Variants in C8orf34 observed in about 807,000 individuals in gnomAD.
C8orf34 encodes uncharacterized protein C8orf34.
Under a neutral mutation model 68.3 loss-of-function variants are expected in C8orf34, and 65 were observed. The observed-to-expected ratio is 0.95, with a 90% CI of 0.78 to 1.17. The LOEUF (loss-of-function observed/expected upper bound fraction) is 1.17, where lower values mean the gene tolerates loss of function less well. Ranked by LOEUF, C8orf34 falls within the 50% of genes most tolerant of loss-of-function variation. The probability of loss-of-function intolerance (pLI) is 0.00; values close to 1 mark genes in which losing one functional copy is unlikely to be tolerated. For missense variants in C8orf34, 664 were observed against 655.4 expected, an observed-to-expected ratio of 1.01 and a Z score of -0.14; for synonymous variants, 244 against 241.2, an observed-to-expected ratio of 1.01 and a Z score of -0.11.
chr8:68,477,947 C>A (rs972775198), intron 4 of C8orf34, among the ~76,000 whole-genome samples: 2 of 152,148 alleles, frequency 1.3e-5, no homozygotes, highest in Admixed American at 6.6e-5. Flanking sequence ...GGACCATGAG[C>A]CTGGCCCAGG....
At chr8:68,416,896 C>T (rs1809694471) in intron 1 of C8orf34, among the ~76,000 whole-genome samples, 1 of 152,032 alleles carries the variant, frequency 6.6e-6, no homozygotes, top group Admixed American at 6.6e-5. Context: ...ACTTCTAAAA[C>T]AATTATTTAT....
In C8orf34 at chr8:68,464,158, C is replaced by A. The variant is rs564840198; in HGVS notation, c.608-4534C>A. Among the ~76,000 whole-genome samples, 349 of 151,976 alleles carry A rather than the reference C, an allele frequency of 2.3e-3. 1 individual carries two copies. The highest frequency in any genetic ancestry group is 7.1e-3 in the African/African-American group (294 of 41,448). The stretch of plus-strand genomic sequence containing the variant: ...TCTTATACACCAATAACAGACAAAC[C>A]GAGAGCCAAATCATGAGTGAACTCC... On this transcript the variant is annotated intron_variant, in intron 3 of 13. Transcript: ENST00000518698.
chr8:68,465,593 C>T (rs1462681367), intron 3 of C8orf34, among the ~76,000 whole-genome samples: 2 of 152,088 alleles, frequency 1.3e-5, no homozygotes, highest in Non-Finnish European at 2.9e-5. Context: ...AAATGTGGCA[C>T]ATACACACCA....
rs1805577765 is a variant in C8orf34 at position 68,331,318 on chromosome 8, C to T, written c.306C>T (p.Asn102=). ...QTRIQAYLEK[N]KIGPLFEELM... is the part of the protein sequence containing the mutation. ...GGATCCAGGCTTACCTGGAGAAGAA[C>T]AAGATCGGTCCCCTGTTTGAGGTAA... The change falls in exon 1 of 14, where the codon AAC becomes AAT. Residue 102 remains asparagine (N), a synonymous_variant. Transcript: ENST00000518698. 7.2e-6 allele frequency: 11 copies of T among 1,536,488 alleles called. No individual in the cohort carries two copies. Among genetic ancestry groups the T allele is most frequent in the Non-Finnish European group, 9.6e-6 (11 of 1,146,994 alleles).
chr8:68,774,349 A>ATATATATAT (rs562858909), intron 10 of C8orf34, among the ~76,000 whole-genome samples: 8 of 147,780 alleles, frequency 5.4e-5, no homozygotes, highest in East Asian at 2.0e-4. Context: ...ATATATATAT[A>ATATATATAT]AAATAAACAA....
intron 1 of C8orf34, among the ~76,000 whole-genome samples, chr8:68,376,562 T>C (rs1403428805): frequency 6.6e-6 from 1 of 151,944 alleles, no homozygotes; most frequent in Non-Finnish European, 1.5e-5. Context: ...CTCCTTCCTC[T>C]TGGGCCTGCC....
chr8:68,806,227 C>A (rs1824478758), intron 12 of C8orf34, among the ~76,000 whole-genome samples: 1 of 151,756 alleles, frequency 6.6e-6, no homozygotes, highest in Non-Finnish European at 1.5e-5. Flanking sequence ...TGCCAATATC[C>A]ATTTATATTT....
rs138824269 is a variant in C8orf34, at chr8:68,479,683, A to T, written c.737-8340A>T. On this transcript the variant is annotated intron_variant, in intron 4 of 13. Coordinates refer to ENST00000518698, the MANE Select transcript of C8orf34 (RefSeq NM_052958.4). ...AGGGGGATGAAGGGTCAGGAAGTCC[A>T]GGAAGTTCAAATCTTATAGTTTTCA... is the stretch of plus-strand genomic sequence containing the variant. Among the ~76,000 whole-genome samples the T allele has an allele frequency of 3.8e-3, 573 of 152,306 alleles. 4 individuals are homozygous for T. Among genetic ancestry groups the T allele is most frequent in the African/African-American group, 0.013 (552 of 41,564 alleles).
intron 1 of C8orf34, among the ~76,000 whole-genome samples, chr8:68,378,963 G>A (rs1225176528): frequency 6.6e-6 from 1 of 151,434 alleles, no homozygotes; most frequent in Non-Finnish European, 1.5e-5. Context: ...AAAAGTGAAG[G>A]AATATCTTTG....
At chr8:68,400,770 T>C (rs1048350133) in intron 1 of C8orf34, among the ~76,000 whole-genome samples, 1 of 152,170 alleles carries the variant, frequency 6.6e-6, no homozygotes, top group Non-Finnish European at 1.5e-5. Flanking sequence ...TTGGTTACTA[T>C]ACCCTTGCAA....
At chr8:68,555,108 C>G (rs758319066) in intron 7 of C8orf34, among the ~76,000 whole-genome samples, 1 of 151,794 alleles carries the variant, frequency 6.6e-6, no homozygotes, top group Non-Finnish European at 1.5e-5. Context: ...TTACTGATTT[C>G]TATTGTTTTG....
intron 4 of C8orf34, among the ~76,000 whole-genome samples, chr8:68,476,737 A>G (rs964372932): frequency 6.6e-6 from 1 of 152,204 alleles, no homozygotes; most frequent in Non-Finnish European, 1.5e-5. Flanking sequence ...TATATGTAAC[A>G]TATATCCTAT....
chr8:68,774,329 G>GTA (rs1237765866), intron 10 of C8orf34, among the ~76,000 whole-genome samples: 1 of 126,886 alleles, frequency 7.9e-6, no homozygotes, highest in African/African-American at 3.4e-5. Context: ...ATGGGTGTGT[G>GTA]TGTATATATA....
Position 68,564,820 on chromosome 8 carries a change from G to T in C8orf34, c.1105+31671G>T, listed in dbSNP as rs573906906. On this transcript the variant is annotated intron_variant, in intron 7 of 13. Transcript: ENST00000518698. ...TTAATGGAATCTATAGGGTTGGATTGTTCTTCTGAAGTGAGAGAGAGAGTT... is the reference window on the plus strand; with the variant it reads ...TTAATGGAATCTATAGGGTTGGATTTTTCTTCTGAAGTGAGAGAGAGAGTT... Among the ~76,000 whole-genome samples the T allele has an allele frequency of 1.1e-4, 16 of 152,270 alleles. No individual in the cohort carries two copies. The East Asian group carries it at 2.9e-3, about 28-fold the overall frequency.
intron 11 of C8orf34, among the ~76,000 whole-genome samples, chr8:68,785,400 TC>T (rs1823816613): frequency 8.1e-6 from 1 of 122,734 alleles, no homozygotes; most frequent in Non-Finnish European, 1.6e-5. Flanking sequence ...CTGGCTCCCC[TC>T]ATCCATTTAC....
chr8:68,654,969 G>C (rs1819471303), intron 8 of C8orf34, among the ~76,000 whole-genome samples: 1 of 152,072 alleles, frequency 6.6e-6, no homozygotes, highest in Non-Finnish European at 1.5e-5. Flanking sequence ...AATACCTTTA[G>C]TGCATATCCA....
At chr8:68,476,771 G>A (rs1812637933) in intron 4 of C8orf34, among the ~76,000 whole-genome samples, 1 of 152,172 alleles carries the variant, frequency 6.6e-6, no homozygotes, top group Non-Finnish European at 1.5e-5. Flanking sequence ...TGTGGTTTTA[G>A]CATTAAAATG....
chr8:68,783,464 G>A (rs551501108), intron 11 of C8orf34, among the ~76,000 whole-genome samples: 2 of 111,922 alleles, frequency 1.8e-5, no homozygotes, highest in Admixed American at 1.7e-4. Context: ...GTTGCAGTGA[G>A]CCAAGATGGT....
chr8:68,660,366 T>A (rs1819635595), intron 8 of C8orf34, among the ~76,000 whole-genome samples: 1 of 152,198 alleles, frequency 6.6e-6, no homozygotes. Context: ...CTTATATCCC[T>A]AAGTCCCAGA....
Sources: gnomAD v4.1 joint callset for allele counts (sites outside exome capture counted in the v4.1 genomes callset) on GRCh38, gnomAD v4.1.1 for gene constraint, MANE v1.5 for transcripts, NCBI Gene and HGNC (gene_info 2026-07-23, HGNC 2026-07-21) for gene names.